OXR1: variants seen among roughly 807,000 people sequenced by gnomAD.
OXR1 encodes oxidation resistance 1.
OXR1 carries 41 observed loss-of-function variants against 104.6 expected under a neutral mutation model. The observed-to-expected ratio is 0.39, with a 90% CI of 0.31 to 0.51. The LOEUF is 0.51. OXR1 is among the 20% of genes least tolerant of loss of function. OXR1 has a pLI of 0.77. For synonymous variants in OXR1, 348 were observed against 348.4 expected (o/e 1.00, Z 0.01); for missense variants, 955 against 1,031.9 (o/e 0.93, Z 1.02).
At chr8:106,686,999 C>G (rs1341089246) in intron 6 of OXR1, among the ~76,000 whole-genome samples, 1 of 152,080 alleles carries the variant, frequency 6.6e-6, no homozygotes, top group Non-Finnish European at 1.5e-5. Context: ...TATTTCTTAT[C>G]TCAAATTTAT....
At chr8:106,398,660 G>A (rs1586603875) in intron 2 of OXR1, among the ~76,000 whole-genome samples, 1 of 152,112 alleles carries the variant, frequency 6.6e-6, no homozygotes, top group African/African-American at 2.4e-5. Context: ...TGGTCCAGAT[G>A]CCTTCTTTAA....
intron 3 of OXR1, among the ~76,000 whole-genome samples, chr8:106,604,335 A>G (rs998138876): frequency 1.3e-5 from 2 of 152,148 alleles, no homozygotes; most frequent in African/African-American, 2.4e-5. Context: ...TGGCTTTCAC[A>G]GGGAAAGACA....
At chr8:106,333,395 G>A (rs1026725878) in intron 1 of OXR1, among the ~76,000 whole-genome samples, 1 of 151,950 alleles carries the variant, frequency 6.6e-6, no homozygotes, top group South Asian at 2.1e-4. Flanking sequence ...CCTTATCAGA[G>A]ATATACTTTG....
At chr8:106,444,892 C>A (rs961476771) in intron 2 of OXR1, among the ~76,000 whole-genome samples, 23 of 152,022 alleles carry the variant, frequency 1.5e-4, no homozygotes, top group African/African-American at 5.6e-4. Context: ...CACACACATA[C>A]CCCCCATATA....
chr8:106,692,654 G>T, intron 6 of OXR1, 74 bp from the exon 7 acceptor site: 1 of 857,542 alleles, frequency 1.2e-6, no homozygotes, highest in South Asian at 2.8e-5. Flanking sequence ...CTATTCATTT[G>T]ACTTTTTAAT....
chr8:106,337,685 A>G (rs1239039067), intron 1 of OXR1, among the ~76,000 whole-genome samples: 1 of 152,204 alleles, frequency 6.6e-6, no homozygotes, highest in Non-Finnish European at 1.5e-5. Flanking sequence ...TTTCAAACAT[A>G]AATGTTCTTG....
chr8:106,501,430 A>G (rs915546465), intron 2 of OXR1, among the ~76,000 whole-genome samples: 7 of 152,186 alleles, frequency 4.6e-5, no homozygotes, highest in Non-Finnish European at 1.0e-4. Context: ...GTGGTTTAGA[A>G]TCTCCTCTCA....
At chr8:106,700,490 A>G (rs1830488932) in intron 7 of OXR1, among the ~76,000 whole-genome samples, 1 of 152,174 alleles carries the variant, frequency 6.6e-6, no homozygotes, top group Admixed American at 6.5e-5. Flanking sequence ...TAAAGAATAT[A>G]TCAGTGTGTC....
intron 2 of OXR1, among the ~76,000 whole-genome samples, chr8:106,442,790 A>AT (rs889340986): frequency 1.0e-3 from 158 of 152,000 alleles, no homozygotes; most frequent in African/African-American, 3.6e-3. Flanking sequence ...TATTGTGTCT[A>AT]TTTGATTCTT....
rs71562108 is a variant in OXR1, at chr8:106,582,177, C to CATATATATATATAT, written c.220+63051_220+63064dup. Among the ~76,000 whole-genome samples, 890 of 119,210 alleles carry CATATATATATATAT rather than the reference C, an allele frequency of 7.5e-3. 21 individuals are homozygous for CATATATATATATAT. Among genetic ancestry groups the CATATATATATATAT allele is most frequent in the African/African-American group, 0.028 (716 of 25,872 alleles). The allele number at this position is 119,210 out of a possible 152,430, so 78.2% of individuals were successfully genotyped here. The stretch of plus-strand genomic sequence containing the variant: ...AGCAAGACAGATTTTTTTCTATTGA[C>CATATATATATATAT]ATATATATATATATATATATATATA... On this transcript the variant is annotated intron_variant, in intron 3 of 16. Coordinates refer to ENST00000517566, the MANE Select transcript of OXR1 (RefSeq NM_001198533.2).
At chr8:106,671,655 C>T (rs1943356309) in intron 3 of OXR1, among the ~76,000 whole-genome samples, 2 of 151,952 alleles carry the variant, frequency 1.3e-5, no homozygotes, top group Non-Finnish European at 2.9e-5. Context: ...ATGATGAGTT[C>T]ATGTCCTTTG....
chr8:106,712,340 C>G (rs971852098), intron 10 of OXR1, among the ~76,000 whole-genome samples: 1 of 152,044 alleles, frequency 6.6e-6, no homozygotes, highest in Admixed American at 6.6e-5. Context: ...TAATCATTTC[C>G]TGTCTCAACA....
intron 3 of OXR1, among the ~76,000 whole-genome samples, chr8:106,626,220 T>A (rs932978336): frequency 3.3e-5 from 5 of 151,976 alleles, no homozygotes; most frequent in Non-Finnish European, 7.4e-5. Flanking sequence ...GTAAAAAAAA[T>A]TTTTAAAAAG....
At chr8:106,492,177 C>T (rs1811132896) in intron 2 of OXR1, among the ~76,000 whole-genome samples, 2 of 152,190 alleles carry the variant, frequency 1.3e-5, no homozygotes, top group South Asian at 4.1e-4. Flanking sequence ...GTGCCTGGGT[C>T]ACAGTTTGGG....
At position 106,702,985 on chromosome 8, in the gene OXR1, A is replaced by G. The variant is rs1269714394; in HGVS notation, c.755A>G (p.Glu252Gly). The G allele has an allele frequency of 1.9e-6, 3 of 1,613,598 alleles. No homozygotes were observed. The highest frequency in any genetic ancestry group is 2.5e-6 in the Non-Finnish European group (3 of 1,179,672). ...DPHKNDPLVQ[E>G]NGCEEYGIMC... ...CATAAAAATGACCCTTTGGTTCAAG[A>G]GAATGGCTGTGAGGAATATGGCATC... Residue 252 changes from glutamate to glycine, a missense_variant, in exon 8 of 17, where the codon GAG (glutamate) becomes GGG (glycine). Coordinates refer to ENST00000517566, the MANE Select transcript of OXR1 (RefSeq NM_001198533.2).
At chr8:106,285,121 C>T (rs1366073172) in intron 1 of OXR1, among the ~76,000 whole-genome samples, 1 of 152,130 alleles carries the variant, frequency 6.6e-6, no homozygotes, top group African/African-American at 2.4e-5. Context: ...TCCCCACTGC[C>T]CCCACCCCAC....
At chr8:106,521,783 G>A (rs187172097) in intron 3 of OXR1, among the ~76,000 whole-genome samples, 26 of 152,206 alleles carry the variant, frequency 1.7e-4, no homozygotes, top group Admixed American at 8.5e-4. Flanking sequence ...AAGTGCTGGG[G>A]TTACAGGCAT....
chr8:106,684,137 T>C, intron 5 of OXR1, 109 bp from the exon 6 acceptor site: 1 of 617,286 alleles, frequency 1.6e-6, no homozygotes, highest in Non-Finnish European at 2.9e-6. Flanking sequence ...TGAAAATTTT[T>C]ATGTTTTTCT....
At chr8:106,302,936 G>A (rs1250968377) in intron 1 of OXR1, among the ~76,000 whole-genome samples, 2 of 151,750 alleles carry the variant, frequency 1.3e-5, no homozygotes, top group Admixed American at 6.6e-5. Flanking sequence ...TGTATTTTTA[G>A]TAGAGACGGG....
Sources: gnomAD v4.1 joint callset for allele counts (sites outside exome capture counted in the v4.1 genomes callset) on GRCh38, gnomAD v4.1.1 for gene constraint, MANE v1.5 for transcripts, NCBI Gene and HGNC (gene_info 2026-07-23, HGNC 2026-07-21) for gene names.